FGF20: variants seen among roughly 807,000 people sequenced by gnomAD.
FGF20 encodes the protein fibroblast growth factor 20.
In FGF20, 8 loss-of-function variants were observed where a neutral mutation model predicts 16.7. That is an observed-to-expected ratio of 0.48 (90% CI 0.28 to 0.87). The LOEUF (loss-of-function observed/expected upper bound fraction) is 0.87, where lower values mean the gene tolerates loss of function less well. FGF20 is among the 40% of genes least tolerant of loss of function. The pLI is 0.10. For synonymous variants in FGF20, 161 were observed against 118.6 expected (o/e 1.36, Z -2.32); for missense variants, 397 against 281.4 (o/e 1.41, Z -2.94).
intron 1 of FGF20, among the ~76,000 whole-genome samples, chr8:16,998,134 G>A (rs930395880): frequency 6.6e-6 from 1 of 152,128 alleles, no homozygotes; most frequent in Non-Finnish European, 1.5e-5. Context: ...GGAAAACTCA[G>A]AGGTAAACCA....
At chr8:17,001,078 C>G (rs13267997) in intron 1 of FGF20, among the ~76,000 whole-genome samples, 33,506 of 144,728 alleles carry the variant, frequency 0.23, 5,448 homozygotes, top group East Asian at 0.46. Context: ...TTCTCACCCA[C>G]ATAGAACTTA....
At chr8:17,000,462 G>A (rs976745272) in intron 1 of FGF20, among the ~76,000 whole-genome samples, 12 of 127,292 alleles carry the variant, frequency 9.4e-5, no homozygotes, top group Non-Finnish European at 2.2e-4. Context: ...AAGGGGGTAA[G>A]GACACGATAA....
In FGF20 at chr8:17,001,832, C is replaced by G. The variant is rs796822276; in HGVS notation, c.201G>C (p.Arg67=). The G allele has an allele frequency of 6.5e-7, 1 of 1,530,824 alleles. No homozygotes were observed. The highest frequency in any genetic ancestry group is 2.8e-5 in the East Asian group (1 of 36,318). The allele number at this position is 1,530,824 out of a possible 1,614,324, so 94.8% of individuals were successfully genotyped here. The part of the protein sequence containing the change: ...LAHLHGILRR[R]QLYCRTGFHL... Reference sequence around the variant, plus strand: ...GGAAGCCGGTGCGGCAATAGAGCTGCCGGCGGCGCAGGATGCCGTGCAGGT... The same window carrying G: ...GGAAGCCGGTGCGGCAATAGAGCTGGCGGCGGCGCAGGATGCCGTGCAGGT... Residue 67 remains arginine (R), a synonymous_variant, in exon 1 of 3, where the codon CGG becomes CGC. Coordinates refer to ENST00000180166, the MANE Select transcript of FGF20 (RefSeq NM_019851.3).
chr8:16,997,985 CTCTTG>C (rs17515041), intron 1 of FGF20, among the ~76,000 whole-genome samples: 54,472 of 151,708 alleles, frequency 0.36, 11,077 homozygotes, highest in East Asian at 0.49. Context: ...CATTAAGATT[CTCTTG>C]TCTTTCAAAG....
intron 1 of FGF20, among the ~76,000 whole-genome samples, chr8:16,999,668 C>A (rs1810136673): frequency 1.3e-5 from 2 of 150,162 alleles, no homozygotes; most frequent in Non-Finnish European, 3.0e-5. Flanking sequence ...ATTACAGGTG[C>A]CCACCAACAC....
At chr8:16,994,688 A>G (rs932421668) in intron 2 of FGF20, among the ~76,000 whole-genome samples, 24 of 152,282 alleles carry the variant, frequency 1.6e-4, no homozygotes, top group African/African-American at 5.8e-4. Context: ...TCCAGTTGAG[A>G]GTTTAAGAAA....
intron 2 of FGF20, among the ~76,000 whole-genome samples, chr8:16,993,906 G>T (rs1809979191): frequency 6.6e-6 from 1 of 152,102 alleles, no homozygotes. Flanking sequence ...CGGAGCTTAG[G>T]TGGGAATGTG....
chr8:16,992,358 T>C lies in FGF20; in HGVS notation c.*714A>G, dbSNP rs1239880406. 3 of 152,056 alleles carry C rather than the reference T, an allele frequency of 2.0e-5. No homozygotes were observed. Among genetic ancestry groups the C allele is most frequent in the African/African-American group, 7.2e-5 (3 of 41,434 alleles). 9.4% of individuals were successfully genotyped at this position (152,056 alleles called of 1,614,324 possible). A position where few individuals can be genotyped will look rare whatever the true frequency, so the allele number is the denominator to read the frequency against. On this transcript the variant is annotated 3_prime_UTR_variant, in exon 3 of 3. Coordinates refer to ENST00000180166, the MANE Select transcript of FGF20 (RefSeq NM_019851.3). ...AAATCTGATTCTATGGTTAAGGTGG[T>C]ATAATAATGTCCTCTTTACAGAGCA...
At position 16,993,614 on chromosome 8, in the gene FGF20, C is replaced by T. The variant is rs1689900; in HGVS notation, c.391-297G>A. Among the ~76,000 whole-genome samples the T allele has an allele frequency of 0.96, 145,712 of 152,120 alleles. 70,097 individuals carry two copies. The highest frequency in any genetic ancestry group is 1 in the East Asian group (5,160 of 5,160). On this transcript the variant is annotated intron_variant, in intron 2 of 2. Coordinates refer to ENST00000180166, the MANE Select transcript of FGF20 (RefSeq NM_019851.3). ...GGACACGGGATGGTTTCAGGGTGATCCAAGTGCATTACATTTATTGTGTAC... is the reference window on the plus strand; with the variant it reads ...GGACACGGGATGGTTTCAGGGTGATTCAAGTGCATTACATTTATTGTGTAC...
chr8:17,002,321 T>C lies in FGF20; in HGVS notation c.-289A>G. On this transcript the variant is annotated 5_prime_UTR_variant, in exon 1 of 3. Transcript: ENST00000180166. ...CTAGGGCTGTTGGCTGGGGCTCCAA[T>C]TCCGCAAACTGATCAGATCAGAGTC... The C allele has an allele frequency of 2.8e-6, 1 of 354,830 alleles. No homozygotes were observed. Among genetic ancestry groups the C allele is most frequent in the Non-Finnish European group, 5.0e-6 (1 of 200,572 alleles). 22.0% of individuals were successfully genotyped at this position (354,830 alleles called of 1,614,324 possible).
chr8:16,993,376 A>T (rs746101228), intron 2 of FGF20, 59 bp from the exon 3 acceptor site: 85 of 1,427,268 alleles, frequency 6.0e-5, no homozygotes, highest in Non-Finnish European at 7.8e-5. Context: ...TAATTTCCTT[A>T]CAAGTTTCAA....
chr8:17,001,784 G>A lies in FGF20; in HGVS notation c.249C>T (p.Gly83=). 1 of 1,572,880 alleles carries A rather than the reference G, an allele frequency of 6.4e-7. No individual in the cohort carries two copies. Among genetic ancestry groups the A allele is most frequent in the Non-Finnish European group, 8.6e-7 (1 of 1,163,530 alleles). ...GGTCCTGCCGGGTGCCCTGCACGCT[G>A]CCGTCGGGCAGGATCTGCAGGTGGA... ...TGFHLQILPD[G]SVQGTRQDHS... Residue 83 remains glycine (G), a synonymous_variant, in exon 1 of 3, where the codon GGC becomes GGT. Transcript: ENST00000180166.
In FGF20 at chr8:16,993,110, C is replaced by T; in HGVS notation, c.598G>A (p.Val200Ile). ...FLPRPVDPER[V>I]PELYKDLLMY... ...AGTAGGTCCTTGTACAATTCTGGAACTCTTTCTGGATCCACTGGTCTAGGT... is the reference window on the plus strand; with the variant it reads ...AGTAGGTCCTTGTACAATTCTGGAATTCTTTCTGGATCCACTGGTCTAGGT... Residue 200 changes from valine (V) to isoleucine (I), a missense_variant, in exon 3 of 3, where the codon GTT (valine) becomes ATT (isoleucine). By Grantham distance (29) the Val-to-Ile change is conservative. Transcript: ENST00000180166. 1 of 1,614,056 alleles carries T rather than the reference C, an allele frequency of 6.2e-7. No individual in the cohort carries two copies. Among genetic ancestry groups the T allele is most frequent in the Non-Finnish European group, 8.5e-7 (1 of 1,179,974 alleles).
intron 2 of FGF20, 128 bp from the exon 3 acceptor site, chr8:16,993,445 T>C: frequency 1.0e-6 from 1 of 956,874 alleles, no homozygotes; most frequent in East Asian, 2.6e-5. Flanking sequence ...TTGGTTTTGC[T>C]TTATTTTGTT....
rs965682514 is a variant in FGF20, at chr8:16,993,019, T to C, written c.*53A>G. On this transcript the variant is annotated 3_prime_UTR_variant, in exon 3 of 3. Coordinates refer to ENST00000180166, the MANE Select transcript of FGF20 (RefSeq NM_019851.3). ...GGTCATTATTTTATGATGGGAACTATGACAAGAAAGAATGGTTGTGGTTTG... is the reference window on the plus strand; with the variant it reads ...GGTCATTATTTTATGATGGGAACTACGACAAGAAAGAATGGTTGTGGTTTG... 3.8e-6 allele frequency: 6 copies of C among 1,579,180 alleles called. No homozygotes were observed. The highest frequency in any genetic ancestry group is 2.7e-5 in the African/African-American group (2 of 73,550).
In FGF20 at chr8:17,002,236, G is replaced by A. The variant is rs933127630; in HGVS notation, c.-204C>T. The A allele has an allele frequency of 2.6e-5, 13 of 491,954 alleles. No individual in the cohort carries two copies. The highest frequency in any genetic ancestry group is 3.8e-5 in the South Asian group (1 of 26,304). 30.5% of individuals were successfully genotyped at this position (491,954 alleles called of 1,614,324 possible). ...TGGAGCGATCTTCTCTCCTTGGGTA[G>A]GTGGGAGCCGGCTGCTGGCTCTGCA... is the stretch of plus-strand genomic sequence containing the variant. On this transcript the variant is annotated 5_prime_UTR_variant, in exon 1 of 3. Transcript: ENST00000180166.
At chr8:16,997,423 G>A (rs1007243980) in intron 1 of FGF20, among the ~76,000 whole-genome samples, 1 of 152,152 alleles carries the variant, frequency 6.6e-6, no homozygotes, top group African/African-American at 2.4e-5. Context: ...ACAAGTTCCT[G>A]TTTGGACACG....
chr8:16,995,136 T>C (rs2150434506), intron 2 of FGF20, among the ~76,000 whole-genome samples: 1 of 152,340 alleles, frequency 6.6e-6, no homozygotes, highest in Non-Finnish European at 1.5e-5. Context: ...CCATGGCTAC[T>C]GAAATTTTCA....
chr8:17,001,833 C>G lies in FGF20; in HGVS notation c.200G>C (p.Arg67Pro), dbSNP rs778448883. Residue 67 changes from arginine to proline, a missense_variant, in exon 1 of 3, where the codon CGG (arginine) becomes CCG (proline). Coordinates refer to ENST00000180166, the MANE Select transcript of FGF20 (RefSeq NM_019851.3). ...GAAGCCGGTGCGGCAATAGAGCTGC[C>G]GGCGGCGCAGGATGCCGTGCAGGTG... ...LAHLHGILRR[R>P]QLYCRTGFHL... 5 of 1,528,094 alleles carry G rather than the reference C, an allele frequency of 3.3e-6. No individual in the cohort carries two copies. The highest frequency in any genetic ancestry group is 1.2e-5 in the South Asian group (1 of 82,208). The allele number at this position is 1,528,094 out of a possible 1,614,324, so 94.7% of individuals were successfully genotyped here.
Sources: allele counts gnomAD v4.1 joint callset (sites outside exome capture counted in the v4.1 genomes callset), GRCh38; gene constraint gnomAD v4.1.1; transcripts MANE v1.5; gene names NCBI Gene and HGNC (gene_info 2026-07-23, HGNC 2026-07-21).